TET1: variants seen among roughly 807,000 people sequenced by gnomAD.
The protein encoded by TET1 is tet methylcytosine dioxygenase 1, also known as methylcytosine dioxygenase TET1.
Under a neutral mutation model 148.7 loss-of-function variants are expected in TET1, and 13 were observed. The ratio of observed to expected loss-of-function variants is 0.09; its 90% CI spans 0.06 to 0.14. The LOEUF (loss-of-function observed/expected upper bound fraction) is 0.14. Among genes scored for constraint, TET1 ranks in the 10% least tolerant of loss-of-function variants. The pLI, the probability that TET1 is intolerant of heterozygous loss-of-function variation, is 1.00. For synonymous variants in TET1, 907 were observed against 937.2 expected (o/e 0.97, Z 0.59); for missense variants, 2,182 against 2,553.8 (o/e 0.85, Z 3.14).
At chr10:68,637,898 G>T (rs1009719694) in intron 3 of TET1, among the ~76,000 whole-genome samples, 4 of 151,700 alleles carry the variant, frequency 2.6e-5, no homozygotes, top group Non-Finnish European at 4.4e-5. Flanking sequence ...TAGTACCTCA[G>T]CCTCCAAAGT....
intron 6 of TET1, among the ~76,000 whole-genome samples, chr10:68,664,670 A>AG (rs2055170960): frequency 1.0e-5 from 1 of 99,546 alleles, no homozygotes; most frequent in African/African-American, 4.2e-5. Context: ...CCCAGCCTGC[A>AG]TTTTTTTTTT....
At chr10:68,583,766 C>T (rs2053828020) in intron 2 of TET1, among the ~76,000 whole-genome samples, 1 of 152,004 alleles carries the variant, frequency 6.6e-6, no homozygotes, top group Admixed American at 6.5e-5. Flanking sequence ...CAAAAATTAG[C>T]TGGGCATGAT....
chr10:68,675,522 C>T (rs1002628478), intron 8 of TET1, among the ~76,000 whole-genome samples: 3 of 150,610 alleles, frequency 2.0e-5, no homozygotes, highest in Admixed American at 6.6e-5. Flanking sequence ...ACGGATGGGA[C>T]GATTTTGAAG....
rs748841009 is a variant in TET1 at position 68,667,230 on chromosome 10, C to T, written c.4647C>T (p.Thr1549=). The T allele has an allele frequency of 4.5e-5, 73 of 1,613,512 alleles. 1 individual carries two copies. The East Asian group carries it at 1.0e-3, about 23-fold the overall frequency. The part of the protein sequence containing the change: ...ENLKSYNGHP[T]DRRCTLNENR... ...TAAAGTCATACAATGGGCACCCTACCGACAGAAGATGCACCCTCAATGAAA... is the reference window on the plus strand; with the variant it reads ...TAAAGTCATACAATGGGCACCCTACTGACAGAAGATGCACCCTCAATGAAA... The change falls in exon 7 of 12, where the codon ACC becomes ACT. Residue 1549 remains threonine, a synonymous_variant. Coordinates refer to ENST00000373644, the MANE Select transcript of TET1 (RefSeq NM_030625.3).
chr10:68,663,524 T>C (rs557871178), intron 6 of TET1, among the ~76,000 whole-genome samples: 1 of 152,272 alleles, frequency 6.6e-6, no homozygotes, highest in Non-Finnish European at 1.5e-5. Context: ...TCTTGAAAAA[T>C]ATTCTAGAAA....
At position 68,687,615 on chromosome 10, in the gene TET1, C is replaced by T. The variant is rs148092698; in HGVS notation, c.5404+908C>T. On this transcript the variant is annotated intron_variant, in intron 11 of 11. Transcript: ENST00000373644. ...TTTTGTTTGTGGAGACAAGATCTAGCTCTCTTGCCCAGGCTCTGGAGTGCA... is the reference window on the plus strand; with the variant it reads ...TTTTGTTTGTGGAGACAAGATCTAGTTCTCTTGCCCAGGCTCTGGAGTGCA... 5.5e-3 allele frequency among the ~76,000 whole-genome samples: 830 copies of T among 152,224 alleles called. 4 individuals are homozygous for T. The highest frequency in any genetic ancestry group is 8.6e-3 in the Admixed American group (131 of 15,294).
intron 10 of TET1, among the ~76,000 whole-genome samples, chr10:68,683,921 G>A (rs1335145769): frequency 3.3e-5 from 5 of 152,226 alleles, no homozygotes; most frequent in East Asian, 1.9e-4. Flanking sequence ...TAAGAAATAC[G>A]TAAATTAGGC....
chr10:68,622,779 G>A (rs1033531727), intron 3 of TET1, among the ~76,000 whole-genome samples: 7 of 151,924 alleles, frequency 4.6e-5, no homozygotes, highest in African/African-American at 1.5e-4. Context: ...GTGTCTCGCC[G>A]TGTTGTCCAG....
In TET1 at chr10:68,692,309, G is replaced by A. The variant is rs1231767039; in HGVS notation, c.*495G>A. On this transcript the variant is annotated 3_prime_UTR_variant, in exon 12 of 12. Coordinates refer to ENST00000373644, the MANE Select transcript of TET1 (RefSeq NM_030625.3). Reference sequence around the variant, plus strand: ...TCTTCCAATCATTGCTAGAAAATTGGCATATTCCTTTGAAATAAACTTATG... The same window carrying A: ...TCTTCCAATCATTGCTAGAAAATTGACATATTCCTTTGAAATAAACTTATG... 1.7e-5 allele frequency: 4 copies of A among 232,090 alleles called. No homozygotes were observed. In the East Asian group the frequency reaches 1.9e-4, roughly 11 times the overall value. The allele number at this position is 232,090 out of a possible 1,614,324, so 14.4% of individuals were successfully genotyped here. A position where few individuals can be genotyped will look rare whatever the true frequency, so the allele number is the denominator to read the frequency against.
chr10:68,595,634 T>TTTTTTTTTTTTTTTTTTG (rs2053969531), intron 2 of TET1, among the ~76,000 whole-genome samples: 1 of 135,698 alleles, frequency 7.4e-6, no homozygotes, highest in African/African-American at 2.7e-5. Flanking sequence ...TTTTTTTTTT[T>TTTTTTTTTTTTTTTTTTG]GAGGTGTAGT....
chr10:68,624,384 G>A (rs2054421416), intron 3 of TET1, among the ~76,000 whole-genome samples: 2 of 152,130 alleles, frequency 1.3e-5, no homozygotes, highest in South Asian at 2.1e-4. Flanking sequence ...CCGCCTTCCG[G>A]GTTCAAGCAA....
Position 68,646,528 on chromosome 10 carries a change from C to T in TET1, c.3799C>T (p.His1267Tyr), listed in dbSNP as rs1472984119. Residue 1267 changes from histidine (H) to tyrosine (Y), a missense_variant, in exon 4 of 12, where the codon CAT becomes TAT. By Grantham distance (83) the His-to-Tyr change is moderately conservative (BLOSUM62 2). Coordinates refer to ENST00000373644, the MANE Select transcript of TET1 (RefSeq NM_030625.3). ...ACCATTGGATTCACTCAGCTTATTT[C>T]ATCTTAAAACGGAATCCAACGGGAA... The part of the protein sequence containing the change: ...VEPLDSLSLF[H>Y]LKTESNGKAF... The T allele has an allele frequency of 6.2e-7, 1 of 1,614,150 alleles. No individual in the cohort carries two copies. The highest frequency in any genetic ancestry group is 1.1e-5 in the South Asian group (1 of 91,086).
At chr10:68,671,792 G>A (rs765867445) in intron 7 of TET1, among the ~76,000 whole-genome samples, 15 of 151,266 alleles carry the variant, frequency 9.9e-5, no homozygotes, top group Non-Finnish European at 1.6e-4. Flanking sequence ...TTTTGTTTTT[G>A]TTTTTTGAGA....
At chr10:68,652,661 C>A in intron 6 of TET1, 67 bp downstream of exon 6, 1 of 1,061,632 alleles carries the variant, frequency 9.4e-7, no homozygotes, top group Non-Finnish European at 1.4e-6. Flanking sequence ...TATACATTTA[C>A]AATAGCCAGA....
In TET1 at chr10:68,574,228, A is replaced by G. The variant is rs771888441; in HGVS notation, c.1890A>G (p.Lys630=). Residue 630 remains lysine, a synonymous_variant, in exon 2 of 12, where the codon AAA becomes AAG. Coordinates refer to ENST00000373644, the MANE Select transcript of TET1 (RefSeq NM_030625.3). The part of the protein sequence containing the change: ...KKRKCEELKK[K]PSVVVPLEVI... ...GAAAATGTGAGGAGCTGAAAAAGAA[A>G]CCATCTGTTGTTGTGCCTCTGGAGG... The G allele has an allele frequency of 1.9e-5, 31 of 1,612,394 alleles. No individual in the cohort carries two copies. Among genetic ancestry groups the G allele is most frequent in the Middle Eastern group, 1.6e-4 (1 of 6,084 alleles).
intron 3 of TET1, among the ~76,000 whole-genome samples, chr10:68,602,176 C>T (rs565499091): frequency 6.6e-6 from 1 of 152,324 alleles, no homozygotes; most frequent in East Asian, 1.9e-4. Context: ...ATGTGCTAGG[C>T]ACTGTGAAAT....
At chr10:68,627,725 A>C (rs1035738006) in intron 3 of TET1, among the ~76,000 whole-genome samples, 1 of 151,870 alleles carries the variant, frequency 6.6e-6, no homozygotes, top group Non-Finnish European at 1.5e-5. Flanking sequence ...CAGGAGTTCA[A>C]GACCAGCCTG....
rs78395627 is a variant in TET1, at chr10:68,636,047, A to G, written c.1969-8651A>G. Among the ~76,000 whole-genome samples the G allele has an allele frequency of 6.3e-4, 96 of 152,350 alleles. No homozygotes were observed. In the East Asian group the frequency reaches 0.018, roughly 28 times the overall value. On this transcript the variant is annotated intron_variant, in intron 3 of 11. Transcript: ENST00000373644. The stretch of plus-strand genomic sequence containing the variant: ...ATGATTGAATCTGACTGATAATTCA[A>G]TTATAATTTGGTAGAAGTTTAAGAT...
intron 3 of TET1, among the ~76,000 whole-genome samples, chr10:68,601,863 T>C (rs1447168458): frequency 6.9e-6 from 1 of 145,390 alleles, no homozygotes; most frequent in Non-Finnish European, 1.6e-5. Flanking sequence ...TGACTTATCT[T>C]TAATTATTTT....
Sources: allele counts gnomAD v4.1 joint callset (sites outside exome capture counted in the v4.1 genomes callset), GRCh38; gene constraint gnomAD v4.1.1; transcripts MANE v1.5; gene names NCBI Gene and HGNC (gene_info 2026-07-23, HGNC 2026-07-21).